The following SENP7 variants were observed in gnomAD, a reference collection of about 807,000 sequenced individuals.
SENP7 encodes SUMO specific peptidase 7.
A neutral mutation model predicts 141.2 loss-of-function variants in SENP7; 64 were observed. The ratio of observed to expected loss-of-function variants is 0.45; its 90% CI spans 0.37 to 0.56. SENP7 has a LOEUF of 0.56. SENP7 is among the 20% of genes least tolerant of loss of function. The pLI, the probability that SENP7 is intolerant of heterozygous loss-of-function variation, is 0.00. For synonymous variants in SENP7, 382 were observed against 426.4 expected (o/e 0.90, Z 1.28); for missense variants, 1,025 against 1,212.2 (o/e 0.85, Z 2.29).
At chr3:101,359,306 C>T (rs1448203881) in intron 11 of SENP7, 1 of 151,602 alleles carries the variant, frequency 6.6e-6, no homozygotes, top group Non-Finnish European at 1.5e-5. Flanking sequence ...GATTTTGTGT[C>T]CTAAAACTTT....
At chr3:101,425,747 A>C (rs1184637189) in intron 4 of SENP7, among the ~76,000 whole-genome samples, 1 of 152,220 alleles carries the variant, frequency 6.6e-6, no homozygotes, top group Non-Finnish European at 1.5e-5. Flanking sequence ...AAACCAATCC[A>C]AGGAAGCTAA....
In SENP7 at chr3:101,332,753, T is replaced by C; in HGVS notation, c.2573+17A>G. 5 of 1,451,386 alleles carry C rather than the reference T, an allele frequency of 3.4e-6. No homozygotes were observed. Among genetic ancestry groups the C allele is most frequent in the Non-Finnish European group, 4.5e-6 (5 of 1,099,400 alleles). The allele number at this position is 1,451,386 out of a possible 1,614,324, so 89.9% of individuals were successfully genotyped here. On this transcript the variant is annotated intron_variant, in intron 18 of 23. Coordinates refer to ENST00000394095, the MANE Select transcript of SENP7 (RefSeq NM_020654.5). ...GAATTCTTTCCAATATGTTCTTAAA[T>C]AATCTGAAATACTTACGACTCATTT...
chr3:101,429,125 G>A (rs965023029), intron 4 of SENP7, among the ~76,000 whole-genome samples: 3 of 152,198 alleles, frequency 2.0e-5, no homozygotes, highest in Non-Finnish European at 4.4e-5. Flanking sequence ...CAGGTAGCAT[G>A]ATGCCTCCAG....
chr3:101,374,378 T>C (rs940877674), intron 6 of SENP7, among the ~76,000 whole-genome samples: 7 of 152,218 alleles, frequency 4.6e-5, no homozygotes, highest in African/African-American at 1.2e-4. Context: ...GGGAAATCTT[T>C]ATGACATTAG....
At position 101,417,593 on chromosome 3, in the gene SENP7, C is replaced by T; in HGVS notation, c.482G>A (p.Arg161Lys). Residue 161 changes from arginine to lysine, a missense_variant and splice_region_variant, in exon 5 of 24, where the codon AGG (arginine) becomes AAG (lysine). Arg to Lys is a conservative substitution (Grantham distance 26). This residue lies in a region of SENP7 where 496 missense variants were observed against 503.5 expected (regional missense o/e 0.99). Transcript: ENST00000394095. ...PLRQSLNLSE[R>K]IPRVILTNVL... ...ACAAAATCAATACTGAACAACATAC[C>T]TTTCAGATAAATTAAGGCTTTGGCG... 12 of 1,609,592 alleles carry T rather than the reference C, an allele frequency of 7.5e-6. No homozygotes were observed. The highest frequency in any genetic ancestry group is 1.0e-5 in the Non-Finnish European group (12 of 1,175,974).
chr3:101,482,684 G>A (rs1475875310), intron 3 of SENP7, among the ~76,000 whole-genome samples: 3 of 152,116 alleles, frequency 2.0e-5, no homozygotes, highest in South Asian at 4.1e-4. Flanking sequence ...CTAATCAAGA[G>A]AGTGTGGTAT....
Position 101,324,333 on chromosome 3 carries a change from CATTA to C in SENP7, c.*1606_*1609del, listed in dbSNP as rs1285311400. 1 of 152,006 alleles carries C rather than the reference CATTA, an allele frequency of 6.6e-6. No individual in the cohort carries two copies. 9.4% of individuals were successfully genotyped at this position (152,006 alleles called of 1,614,324 possible). A position where few individuals can be genotyped will look rare whatever the true frequency, so the allele number is the denominator to read the frequency against. ...TGATATCCTCAAAACATTACTTGCACATTAATTTAGGAAAATGAATTTTAAACAA... is the reference window on the plus strand; with the variant it reads ...TGATATCCTCAAAACATTACTTGCACATTTAGGAAAATGAATTTTAAACAA... On this transcript the variant is annotated 3_prime_UTR_variant, in exon 24 of 24. Coordinates refer to ENST00000394095, the MANE Select transcript of SENP7 (RefSeq NM_020654.5).
intron 4 of SENP7, among the ~76,000 whole-genome samples, chr3:101,437,239 T>G (rs2062424916): frequency 6.6e-6 from 1 of 152,124 alleles, no homozygotes; most frequent in African/African-American, 2.4e-5. Context: ...ACTAGTGGGC[T>G]GAGGGGGGCA....
Position 101,364,901 on chromosome 3 carries a change from T to A in SENP7, c.1409A>T (p.Asn470Ile). Residue 470 changes from asparagine to isoleucine, a missense_variant, in exon 10 of 24, where the codon AAT (asparagine) becomes ATT (isoleucine). Physicochemically the swap from Asn to Ile is moderately radical, Grantham distance 149. Coordinates refer to ENST00000394095, the MANE Select transcript of SENP7 (RefSeq NM_020654.5). ...TGATTCAGAAGTACTCTCATTTTCA[T>A]TAGTTGTCTCACGGTCTTGCTTAGA... is the stretch of plus-strand genomic sequence containing the variant. ...LQSKQDRETT[N>I]ENESTSESAL... 1.2e-6 allele frequency: 2 copies of A among 1,604,758 alleles called. No homozygotes were observed. Among genetic ancestry groups the A allele is most frequent in the East Asian group, 4.5e-5 (2 of 44,156 alleles).
At chr3:101,432,396 C>A (rs2062215565) in intron 4 of SENP7, among the ~76,000 whole-genome samples, 1 of 152,212 alleles carries the variant, frequency 6.6e-6, no homozygotes, top group Non-Finnish European at 1.5e-5. Context: ...ACAGGCCTGG[C>A]TGGCTTTGCC....
chr3:101,396,997 C>T (rs1169135582), intron 6 of SENP7, among the ~76,000 whole-genome samples: 1 of 152,138 alleles, frequency 6.6e-6, no homozygotes, highest in Non-Finnish European at 1.5e-5. Flanking sequence ...GCCCCTGCCA[C>T]CACGCCCAGC....
At chr3:101,385,236 CT>C (rs2060620694) in intron 6 of SENP7, among the ~76,000 whole-genome samples, 1 of 152,004 alleles carries the variant, frequency 6.6e-6, no homozygotes, top group South Asian at 2.1e-4. Context: ...CCTTGAATGT[CT>C]TCTCATGAGG....
intron 3 of SENP7, among the ~76,000 whole-genome samples, chr3:101,482,164 T>A (rs1185891083): frequency 4.0e-5 from 6 of 151,426 alleles, no homozygotes; most frequent in Admixed American, 1.3e-4. Flanking sequence ...CAAAAAAAAA[T>A]TAGCCAGGTG....
At chr3:101,491,939 A>G (rs531711745) in intron 3 of SENP7, among the ~76,000 whole-genome samples, 1 of 152,202 alleles carries the variant, frequency 6.6e-6, no homozygotes, top group Non-Finnish European at 1.5e-5. Context: ...TAAAAAATAC[A>G]AAATTAGCCG....
At position 101,364,889 on chromosome 3, in the gene SENP7, C is replaced by T; in HGVS notation, c.1421G>A (p.Ser474Asn). The change falls in exon 10 of 24, where the codon AGT (serine) becomes AAT (asparagine). Residue 474 changes from serine to asparagine, a missense_variant. Around this residue, in one of 4 missense-constraint regions of SENP7, gnomAD observed 228 missense variants for 228.5 expected, o/e 1.00. Coordinates refer to ENST00000394095, the MANE Select transcript of SENP7 (RefSeq NM_020654.5). Reference protein sequence around the residue: ...QDRETTNENESTSESALLELP... With the variant: ...QDRETTNENENTSESALLELP... Reference sequence around the variant, plus strand: ...TTCTAACAATGCTGATTCAGAAGTACTCTCATTTTCATTAGTTGTCTCACG... The same window carrying T: ...TTCTAACAATGCTGATTCAGAAGTATTCTCATTTTCATTAGTTGTCTCACG... 1 of 1,603,520 alleles carries T rather than the reference C, an allele frequency of 6.2e-7. No individual in the cohort carries two copies. The highest frequency in any genetic ancestry group is 2.3e-5 in the East Asian group (1 of 44,086).
intron 3 of SENP7, among the ~76,000 whole-genome samples, chr3:101,473,861 T>C (rs561339954): frequency 6.6e-6 from 1 of 152,228 alleles, no homozygotes; most frequent in African/African-American, 2.4e-5. Flanking sequence ...AGTTTTCAGT[T>C]TGAGGTTTTA....
intron 11 of SENP7, among the ~76,000 whole-genome samples, chr3:101,353,377 T>C (rs996885784): frequency 3.9e-5 from 6 of 151,986 alleles, no homozygotes; most frequent in African/African-American, 1.4e-4. Flanking sequence ...TCTCTCACTT[T>C]CCCCCATCAA....
rs1559722626 is a variant in SENP7 at position 101,364,983 on chromosome 3, AAAC to A, written c.1324_1326del (p.Val442del). ...TCAACAGGTCCTTCTTCATCACTGG[AAAC>A]AACAACTAAAACGGAAAAGAAAAAT... On this transcript the variant is annotated inframe_deletion, in exon 10 of 24. Transcript: ENST00000394095. 1 of 1,520,346 alleles carries A rather than the reference AAAC, an allele frequency of 6.6e-7. No individual in the cohort carries two copies. The highest frequency in any genetic ancestry group is 8.8e-7 in the Non-Finnish European group (1 of 1,137,810). The allele number at this position is 1,520,346 out of a possible 1,614,324, so 94.2% of individuals were successfully genotyped here.
Position 101,445,659 on chromosome 3 carries a change from G to A in SENP7, c.284+13296C>T, listed in dbSNP as rs534376964. On this transcript the variant is annotated intron_variant, in intron 4 of 23. Coordinates refer to ENST00000394095, the MANE Select transcript of SENP7 (RefSeq NM_020654.5). Reference sequence around the variant, plus strand: ...CCAAACTATACTCTTCCTAGATAAAGACACACATAAACTGAAAGTGAAGGG... The same window carrying A: ...CCAAACTATACTCTTCCTAGATAAAAACACACATAAACTGAAAGTGAAGGG... Among the ~76,000 whole-genome samples, 178 of 151,854 alleles carry A rather than the reference G, an allele frequency of 1.2e-3. 3 individuals are homozygous for A. The highest frequency in any genetic ancestry group is 3.9e-3 in the African/African-American group (160 of 41,402).
Sources: allele counts gnomAD v4.1 joint callset (sites outside exome capture counted in the v4.1 genomes callset), GRCh38; gene constraint gnomAD v4.1.1; regional missense constraint gnomAD v4.1.1; transcripts MANE v1.5; gene names NCBI Gene and HGNC (gene_info 2026-07-23, HGNC 2026-07-21).